LARGE1: variants seen among roughly 807,000 people sequenced by gnomAD.
The protein encoded by LARGE1 is LARGE xylosyl- and glucuronyltransferase 1.
In LARGE1, 43 loss-of-function variants were observed where a neutral mutation model predicts 87.6. The observed-to-expected ratio is 0.49, with a 90% CI of 0.38 to 0.63. The LOEUF (loss-of-function observed/expected upper bound fraction) is 0.63. Among genes scored for constraint, LARGE1 ranks in the 30% least tolerant of loss-of-function variants. LARGE1 has a pLI of 0.00. For synonymous variants in LARGE1, 434 were observed against 394.6 expected, an observed-to-expected ratio of 1.10 and a Z score of -1.18; for missense variants, 802 against 1,000.2, an observed-to-expected ratio of 0.80 and a Z score of 2.67.
At chr22:33,832,503 C>T (rs1038143994) in intron 1 of LARGE1, among the ~76,000 whole-genome samples, 1 of 152,150 alleles carries the variant, frequency 6.6e-6, no homozygotes, top group African/African-American at 2.4e-5. Context: ...CCAAGGGAGC[C>T]TGGACCCAGA....
At chr22:33,707,704 G>A (rs1048924904) in intron 2 of LARGE1, among the ~76,000 whole-genome samples, 15 of 152,334 alleles carry the variant, frequency 9.8e-5, no homozygotes, top group Admixed American at 3.3e-4. Context: ...AAGTCCGGGG[G>A]AAGCAAAAGA....
At chr22:33,129,434 T>C in the LARGE1 span, among the ~76,000 whole-genome samples, 96 of 152,324 alleles carry the variant, frequency 6.3e-4, 5 homozygotes, top group East Asian at 0.018. Context: ...TAAGGTTTTA[T>C]ACCTTATTAT....
intron 9 of LARGE1, among the ~76,000 whole-genome samples, chr22:33,368,965 A>T (rs1418275232): frequency 6.6e-6 from 1 of 152,138 alleles, no homozygotes; most frequent in East Asian, 1.9e-4. Flanking sequence ...CTGCTGACTG[A>T]TCAGGGTGGT....
the LARGE1 span, among the ~76,000 whole-genome samples, chr22:33,074,021 C>T: frequency 6.6e-6 from 1 of 152,282 alleles, no homozygotes; most frequent in Admixed American, 6.5e-5. Flanking sequence ...CTCATCCGGG[C>T]TTATTGTCTG....
chr22:33,558,866 A>G (rs191865296), intron 6 of LARGE1, among the ~76,000 whole-genome samples: 50 of 152,376 alleles, frequency 3.3e-4, no homozygotes, highest in Non-Finnish European at 6.6e-4. Context: ...GAAATGGAGC[A>G]GACACACATT....
chr22:33,596,167 T>C (rs1014849006), intron 5 of LARGE1, among the ~76,000 whole-genome samples: 2 of 152,238 alleles, frequency 1.3e-5, no homozygotes, highest in Non-Finnish European at 2.9e-5. Context: ...ATTAGAAGAC[T>C]GTTAAATAAA....
intron 2 of LARGE1, among the ~76,000 whole-genome samples, chr22:33,715,237 C>T (rs1276491704): frequency 6.6e-6 from 1 of 152,202 alleles, no homozygotes; most frequent in African/African-American, 2.4e-5. Flanking sequence ...CCCAGAGTTA[C>T]CTGCCTATCA....
Position 33,337,525 on chromosome 22 carries a change from G to A in LARGE1, c.1287+121C>T, listed in dbSNP as rs545379862. 1.2e-3 allele frequency: 1,411 copies of A among 1,167,488 alleles called. 2 individuals are homozygous for A. The highest frequency in any genetic ancestry group is 1.4e-3 in the Non-Finnish European group (1,105 of 802,964). 72.3% of individuals were successfully genotyped at this position (1,167,488 alleles called of 1,614,324 possible). A position where few individuals can be genotyped will look rare whatever the true frequency, so the allele number is the denominator to read the frequency against. On this transcript the variant is annotated intron_variant, in intron 10 of 14. Transcript: ENST00000397394. ...GACTAGATGGTGGACCCTGGGCACC[G>A]ATGGCGTTGTGTTCACCTAGGTCCT... is the stretch of plus-strand genomic sequence containing the variant.
At chr22:33,667,175 G>C (rs1220952191) in intron 2 of LARGE1, among the ~76,000 whole-genome samples, 1 of 152,228 alleles carries the variant, frequency 6.6e-6, no homozygotes, top group East Asian at 1.9e-4. Context: ...TGTTTTGCTG[G>C]ATGATGGGAG....
the LARGE1 span, among the ~76,000 whole-genome samples, chr22:33,125,815 T>C: frequency 6.6e-6 from 1 of 152,172 alleles, no homozygotes; most frequent in South Asian, 2.1e-4. Flanking sequence ...TGGTGCAATC[T>C]TGACTTGCTG....
intron 1 of LARGE1, among the ~76,000 whole-genome samples, chr22:33,774,235 T>C (rs1307630946): frequency 7.1e-6 from 1 of 140,858 alleles, no homozygotes; most frequent in Non-Finnish European, 1.6e-5. Flanking sequence ...GATTCTCTCA[T>C]GAAGAATCAA....
At chr22:33,678,468 C>T (rs1177567456) in intron 2 of LARGE1, among the ~76,000 whole-genome samples, 2 of 152,274 alleles carry the variant, frequency 1.3e-5, no homozygotes, top group Admixed American at 6.5e-5. Context: ...GGAGGGGTGA[C>T]TGACATCGCA....
intron 9 of LARGE1, among the ~76,000 whole-genome samples, chr22:33,366,485 C>T (rs984867491): frequency 3.9e-5 from 6 of 152,210 alleles, no homozygotes; most frequent in African/African-American, 9.6e-5. Context: ...CTGAATGACA[C>T]GTGGATTTTT....
chr22:33,770,946 T>G (rs1395674726), intron 1 of LARGE1, among the ~76,000 whole-genome samples: 3 of 152,114 alleles, frequency 2.0e-5, no homozygotes, highest in Non-Finnish European at 4.4e-5. Flanking sequence ...ATCCAAAATA[T>G]CTGCCACTTC....
intron 12 of LARGE1, among the ~76,000 whole-genome samples, chr22:33,283,959 A>G (rs1386355885): frequency 3.9e-5 from 6 of 151,992 alleles, no homozygotes; most frequent in Non-Finnish European, 1.5e-5. Flanking sequence ...GAAAAGAAGA[A>G]AGATGGGGAG....
chr22:33,305,838 CTTTTTCTTTTTT>C (rs952096841), intron 11 of LARGE1, among the ~76,000 whole-genome samples: 3 of 126,488 alleles, frequency 2.4e-5, no homozygotes, highest in East Asian at 2.0e-4. Context: ...ATTTCTTTTT[CTTTTTCTTTTTT>C]TTTTTTTTGA....
intron 1 of LARGE1, among the ~76,000 whole-genome samples, chr22:33,796,173 C>G (rs370980765): frequency 3.9e-5 from 6 of 152,190 alleles, no homozygotes; most frequent in African/African-American, 1.4e-4. Flanking sequence ...GTTTAAATAA[C>G]CTAATCAAGG....
chr22:33,441,570 C>T (rs968569669), intron 6 of LARGE1, among the ~76,000 whole-genome samples: 6 of 152,194 alleles, frequency 3.9e-5, no homozygotes, highest in Admixed American at 6.5e-5. Flanking sequence ...CCTCCTGCCC[C>T]AGCCTCCTGA....
chr22:33,574,465 T>TC (rs376367118), intron 5 of LARGE1, among the ~76,000 whole-genome samples: 2 of 152,156 alleles, frequency 1.3e-5, no homozygotes, highest in Non-Finnish European at 2.9e-5. Flanking sequence ...TATTTTTTTT[T>TC]CAAGTGTTTT....
Sources: gnomAD v4.1 joint callset for allele counts (sites outside exome capture counted in the v4.1 genomes callset) on GRCh38, gnomAD v4.1.1 for gene constraint, MANE v1.5 for transcripts, NCBI Gene and HGNC (gene_info 2026-07-23, HGNC 2026-07-21) for gene names.